The following TXNDC5 variants were observed in gnomAD, a reference collection of about 807,000 sequenced individuals.
TXNDC5 encodes the protein thioredoxin domain-containing protein 5.
Under a neutral mutation model 52.6 loss-of-function variants are expected in TXNDC5, and 44 were observed. The observed-to-expected ratio is 0.84, with a 90% CI of 0.66 to 1.08. TXNDC5 has a LOEUF of 1.08. Ranked by LOEUF, TXNDC5 falls within the 50% of genes least tolerant of loss-of-function variation. TXNDC5 has a pLI of 0.00. For synonymous variants in TXNDC5, 241 were observed against 234.4 expected, an observed-to-expected ratio of 1.03 and a Z score of -0.26; for missense variants, 600 against 565.5, an observed-to-expected ratio of 1.06 and a Z score of -0.62.
intron 1 of TXNDC5, among the ~76,000 whole-genome samples, chr6:7,907,551 A>G (rs568136992): frequency 2.6e-4 from 40 of 152,318 alleles, no homozygotes; most frequent in Admixed American, 1.8e-3. Context: ...AAATACACAG[A>G]TTGATGTTTT....
chr6:7,907,020 C>T (rs898304931), intron 1 of TXNDC5, among the ~76,000 whole-genome samples: 20 of 152,276 alleles, frequency 1.3e-4, no homozygotes, highest in African/African-American at 3.1e-4. Context: ...CTGACTGGGG[C>T]GGTGTCCAAC....
chr6:7,906,041 A>T (rs1338910551), intron 1 of TXNDC5, among the ~76,000 whole-genome samples: 1 of 151,810 alleles, frequency 6.6e-6, no homozygotes, highest in Non-Finnish European at 1.5e-5. Context: ...GGGGTTCAAG[A>T]CTGGCCTGGG....
chr6:7,902,211 C>A (rs1381275480), intron 2 of TXNDC5, among the ~76,000 whole-genome samples: 1 of 152,160 alleles, frequency 6.6e-6, no homozygotes, highest in Non-Finnish European at 1.5e-5. Context: ...GGACCTCTGG[C>A]CTCCAGGACT....
rs184067041 is a variant in TXNDC5, at chr6:7,881,658, G to A, written c.*1486C>T. ...ACTCTTGACAGTTGTGCTTCTCTAG[G>A]AGGTTGGGTTTTTTTAAAAAAAGAA... On this transcript the variant is annotated 3_prime_UTR_variant, in exon 10 of 10. Transcript: ENST00000379757. The A allele has an allele frequency of 2.0e-5, 3 of 152,228 alleles. No individual in the cohort carries two copies. Among genetic ancestry groups the A allele is most frequent in the Admixed American group, 2.0e-4 (3 of 15,298 alleles). The allele number at this position is 152,228 out of a possible 1,614,324, so 9.4% of individuals were successfully genotyped here.
intron 9 of TXNDC5, 94 bp downstream of exon 9, chr6:7,884,265 T>C: frequency 2.0e-6 from 3 of 1,523,560 alleles, no homozygotes; most frequent in Non-Finnish European, 2.7e-6. Flanking sequence ...GTTGAGAAGA[T>C]GAGAGCAGAG....
intron 7 of TXNDC5, 49 bp downstream of exon 7, chr6:7,888,656 C>CG: frequency 3.9e-6 from 6 of 1,519,942 alleles, no homozygotes; most frequent in Non-Finnish European, 5.3e-6. Context: ...GGTGGGGGGC[C>CG]GGGGGCCACG....
chr6:7,910,580 T>C lies in TXNDC5; in HGVS notation c.197A>G (p.Tyr66Cys). ...DGQDPHSKHLYTADMFTHGIQ... is the reference protein window; with the variant it reads ...DGQDPHSKHLCTADMFTHGIQ... Reference sequence around the variant, plus strand: ...CCCGTGCGTGAACATGTCGGCCGTGTACAGGTGCTTGCTGTGCGGGTCCTG... The same window carrying C: ...CCCGTGCGTGAACATGTCGGCCGTGCACAGGTGCTTGCTGTGCGGGTCCTG... Residue 66 changes from tyrosine to cysteine, a missense_variant, in exon 1 of 10, where the codon TAC becomes TGC. Coordinates refer to ENST00000379757, the MANE Select transcript of TXNDC5 (RefSeq NM_030810.5). 2.1e-6 allele frequency: 3 copies of C among 1,434,756 alleles called. No homozygotes were observed. The highest frequency in any genetic ancestry group is 2.8e-6 in the Non-Finnish European group (3 of 1,081,058). The allele number at this position is 1,434,756 out of a possible 1,614,324, so 88.9% of individuals were successfully genotyped here. A position where few individuals can be genotyped will look rare whatever the true frequency, so the allele number is the denominator to read the frequency against.
chr6:7,893,328 C>T lies in TXNDC5; in HGVS notation c.617-1592G>A, dbSNP rs992985026. On this transcript the variant is annotated intron_variant, in intron 4 of 9. Transcript: ENST00000379757. ...CTTGAAGAAAATGGTGAAAAACTTC[C>T]TTTAAAAGTTAACAACTTCCATTAA... Among the ~76,000 whole-genome samples the T allele has an allele frequency of 2.0e-5, 3 of 152,246 alleles. No individual in the cohort carries two copies. The East Asian group carries it at 5.8e-4, about 29-fold the overall frequency.
chr6:7,910,524 A>G lies in TXNDC5; in HGVS notation c.253T>C (p.Phe85Leu), dbSNP rs1345782136. The change falls in exon 1 of 10, where the codon TTC becomes CTC. Residue 85 changes from phenylalanine (F) to leucine (L), a missense_variant. Transcript: ENST00000379757. ...CCTGCGCGGCGTTACCAGGGCGCGA[A>G]GAACATGACGAAGTGCGCGGCGCTC... ...IQSAAHFVMF[F>L]APWCGHCQRL... 1 of 1,444,832 alleles carries G rather than the reference A, an allele frequency of 6.9e-7. No homozygotes were observed. Among genetic ancestry groups the G allele is most frequent in the Non-Finnish European group, 9.2e-7 (1 of 1,088,038 alleles). The allele number at this position is 1,444,832 out of a possible 1,614,324, so 89.5% of individuals were successfully genotyped here.
intron 9 of TXNDC5, among the ~76,000 whole-genome samples, chr6:7,883,737 A>G (rs1229786305): frequency 6.6e-6 from 1 of 152,236 alleles, no homozygotes; most frequent in East Asian, 1.9e-4. Context: ...AACAACTGGT[A>G]TCTTTTAATG....
intron 5 of TXNDC5, among the ~76,000 whole-genome samples, chr6:7,890,416 C>T (rs1469228775): frequency 6.6e-6 from 1 of 152,134 alleles, no homozygotes; most frequent in African/African-American, 2.4e-5. Flanking sequence ...TTTTAAGGGT[C>T]CAGTGTAACC....
intron 4 of TXNDC5, among the ~76,000 whole-genome samples, chr6:7,893,127 A>G (rs1164177963): frequency 6.6e-6 from 1 of 152,246 alleles, no homozygotes; most frequent in Non-Finnish European, 1.5e-5. Context: ...TCACAGCATC[A>G]TTATTTGGAC....
At chr6:7,889,474 T>A (rs1175650244) in intron 6 of TXNDC5, 21 bp downstream of exon 6, 7 of 1,608,578 alleles carry the variant, frequency 4.4e-6, no homozygotes, top group Non-Finnish European at 6.0e-6. Flanking sequence ...GAATTCTCAG[T>A]ACTAAGAAGT....
chr6:7,896,814 G>A (rs1760384381), intron 3 of TXNDC5, among the ~76,000 whole-genome samples: 1 of 152,210 alleles, frequency 6.6e-6, no homozygotes, highest in Admixed American at 6.5e-5. Context: ...GCAGACTCCA[G>A]AGCAGTCCCC....
chr6:7,910,481 T>C, intron 1 of TXNDC5, 33 bp downstream of exon 1: 1 of 1,397,580 alleles, frequency 7.2e-7, no homozygotes, highest in Non-Finnish European at 9.4e-7. Flanking sequence ...AAGCGCCAAG[T>C]GCGGGGCAGG....
intron 3 of TXNDC5, among the ~76,000 whole-genome samples, chr6:7,899,262 A>G (rs910721181): frequency 6.6e-6 from 1 of 152,226 alleles, no homozygotes; most frequent in African/African-American, 2.4e-5. Flanking sequence ...ACTTCCCTGA[A>G]GACTGACTAC....
At chr6:7,905,145 A>G (rs1760691832) in intron 1 of TXNDC5, among the ~76,000 whole-genome samples, 1 of 151,858 alleles carries the variant, frequency 6.6e-6, no homozygotes, top group South Asian at 2.1e-4. Context: ...CCTAAACTCC[A>G]CCTAGCTAAA....
At chr6:7,884,328 A>C (rs200412509) in intron 9 of TXNDC5, 31 bp downstream of exon 9, 5 of 1,613,082 alleles carry the variant, frequency 3.1e-6, no homozygotes, top group Non-Finnish European at 4.2e-6. Context: ...CCATACTGAG[A>C]GCTCCCATAA....
chr6:7,905,825 T>G (rs534649711), intron 1 of TXNDC5, among the ~76,000 whole-genome samples: 1 of 152,322 alleles, frequency 6.6e-6, no homozygotes, highest in Non-Finnish European at 1.5e-5. Context: ...CTTTTTAAAA[T>G]GCTTTTTTTT....
Sources: allele counts gnomAD v4.1 joint callset (sites outside exome capture counted in the v4.1 genomes callset), GRCh38; gene constraint gnomAD v4.1.1; transcripts MANE v1.5; gene names NCBI Gene and HGNC (gene_info 2026-07-23, HGNC 2026-07-21).